UBASH3B: variants seen among roughly 807,000 people sequenced by gnomAD.
UBASH3B encodes the protein ubiquitin-associated and SH3 domain-containing protein B.
UBASH3B carries 37 observed loss-of-function variants against 83.4 expected under a neutral mutation model. The ratio of observed to expected loss-of-function variants is 0.44; its 90% CI spans 0.34 to 0.58. The LOEUF (loss-of-function observed/expected upper bound fraction) is 0.58. Ranked by LOEUF, UBASH3B falls within the 20% of genes least tolerant of loss-of-function variation. The pLI is 0.01. For synonymous variants in UBASH3B, 304 were observed against 318.3 expected, an observed-to-expected ratio of 0.96 and a Z score of 0.48; for missense variants, 657 against 827.2, an observed-to-expected ratio of 0.79 and a Z score of 2.52.
At chr11:122,664,052 A>G (rs1353080090) in intron 1 of UBASH3B, among the ~76,000 whole-genome samples, 4 of 152,096 alleles carry the variant, frequency 2.6e-5, no homozygotes, top group Non-Finnish European at 5.9e-5. Context: ...GTCGCCTTCC[A>G]CTTTTATGGT....
intron 1 of UBASH3B, among the ~76,000 whole-genome samples, chr11:122,685,990 C>T (rs549301034): frequency 2.0e-5 from 3 of 152,306 alleles, no homozygotes; most frequent in East Asian, 1.9e-4. Context: ...CAAGCCCACA[C>T]GCCAGGGAGG....
At chr11:122,782,451 G>C (rs895011744) in intron 4 of UBASH3B, 1 of 152,168 alleles carries the variant, frequency 6.6e-6, no homozygotes, top group East Asian at 1.9e-4. Context: ...TGCTGCTGAC[G>C]TCTTGTGGGT....
rs146478352 is a variant in UBASH3B at position 122,772,098 on chromosome 11, T to C, written c.162-4121T>C. Among the ~76,000 whole-genome samples the C allele has an allele frequency of 1.7e-3, 264 of 152,336 alleles. 2 individuals carry two copies. The highest frequency in any genetic ancestry group is 6.3e-3 in the African/African-American group (261 of 41,566). On this transcript the variant is annotated intron_variant, in intron 1 of 13. Transcript: ENST00000284273. ...GATGAGTATTGCTGTGTTTCTCTTATAACATTTAAAATATCCAGTGGCACC... is the reference window on the plus strand; with the variant it reads ...GATGAGTATTGCTGTGTTTCTCTTACAACATTTAAAATATCCAGTGGCACC...
At chr11:122,720,628 C>T (rs1489838898) in intron 1 of UBASH3B, among the ~76,000 whole-genome samples, 1 of 152,158 alleles carries the variant, frequency 6.6e-6, no homozygotes, top group Non-Finnish European at 1.5e-5. Flanking sequence ...TCAGCTGAAG[C>T]CACATGGTCT....
In UBASH3B at chr11:122,774,915, C is replaced by T. The variant is rs1239194494; in HGVS notation, c.162-1304C>T. Among the ~76,000 whole-genome samples, 3 of 152,282 alleles carry T rather than the reference C, an allele frequency of 2.0e-5. No homozygotes were observed. In the East Asian group the frequency reaches 5.8e-4, roughly 29 times the overall value. On this transcript the variant is annotated intron_variant, in intron 1 of 13. Coordinates refer to ENST00000284273, the MANE Select transcript of UBASH3B (RefSeq NM_032873.5). ...ACCCTCAGATTTCACTTGAAATGTT[C>T]CATCCTTAGTGCAGCCTTCCCCAGC... is the stretch of plus-strand genomic sequence containing the variant.
chr11:122,748,428 C>T (rs988130135), intron 1 of UBASH3B, among the ~76,000 whole-genome samples: 3 of 152,174 alleles, frequency 2.0e-5, no homozygotes, highest in Admixed American at 6.5e-5. Flanking sequence ...TAGACGGGCA[C>T]GCGCCATCCC....
At chr11:122,798,842 G>A in intron 9 of UBASH3B, 100 bp from the exon 10 acceptor site, 1 of 814,490 alleles carries the variant, frequency 1.2e-6, no homozygotes. Flanking sequence ...TAGGAAAGAG[G>A]GGTTTACAGG....
intron 1 of UBASH3B, among the ~76,000 whole-genome samples, chr11:122,707,339 G>A (rs4382921): frequency 0.74 from 111,943 of 151,906 alleles, 41,928 homozygotes; most frequent in East Asian, 0.95. Context: ...CTGACGGGGA[G>A]TGGTAACCTT....
chr11:122,725,732 C>A (rs983329714), intron 1 of UBASH3B, among the ~76,000 whole-genome samples: 1 of 152,114 alleles, frequency 6.6e-6, no homozygotes, highest in Non-Finnish European at 1.5e-5. Context: ...CTCACCCTGT[C>A]GCCCAGGCTG....
In UBASH3B at chr11:122,799,052, A is replaced by G. The variant is rs749440524; in HGVS notation, c.1450+18A>G. ...CTTGAAAGGTAAGACTTGCAGGTTG[A>G]CAAAAACAAGTAGTCCATCCCTCTC... On this transcript the variant is annotated intron_variant, in intron 10 of 13. Coordinates refer to ENST00000284273, the MANE Select transcript of UBASH3B (RefSeq NM_032873.5). 2.5e-6 allele frequency: 4 copies of G among 1,608,814 alleles called. No individual in the cohort carries two copies. The African/African-American group carries it at 5.3e-5, about 22-fold the overall frequency.
At chr11:122,809,097 C>T (rs1178668445) in intron 13 of UBASH3B, among the ~76,000 whole-genome samples, 2 of 150,500 alleles carry the variant, frequency 1.3e-5, no homozygotes, top group Non-Finnish European at 1.5e-5. Flanking sequence ...TTTTTTGAGA[C>T]AGAGCCTTGC....
At chr11:122,685,767 G>A (rs1464692320) in intron 1 of UBASH3B, among the ~76,000 whole-genome samples, 3 of 152,138 alleles carry the variant, frequency 2.0e-5, no homozygotes, top group African/African-American at 2.4e-5. Context: ...TGATCCACCC[G>A]CCTTGGCCTC....
Position 122,699,518 on chromosome 11 carries a change from TC to T in UBASH3B, c.161+43309del, listed in dbSNP as rs1420810533. Among the ~76,000 whole-genome samples the T allele has an allele frequency of 3.9e-3, 394 of 100,440 alleles. 4 individuals are homozygous for T. Among genetic ancestry groups the T allele is most frequent in the African/African-American group, 0.014 (375 of 27,294 alleles). 65.9% of individuals were successfully genotyped at this position (100,440 alleles called of 152,430 possible). On this transcript the variant is annotated intron_variant, in intron 1 of 13. Transcript: ENST00000284273. ...TTTTAAATCTTTCTTTCTTTCTTTC[TC>T]TTTCTTTCTTTCTCTTTCTTTCTTT... is the stretch of plus-strand genomic sequence containing the variant.
At chr11:122,684,219 G>A (rs963976489) in intron 1 of UBASH3B, among the ~76,000 whole-genome samples, 2 of 152,312 alleles carry the variant, frequency 1.3e-5, no homozygotes, top group East Asian at 1.9e-4. Flanking sequence ...TAAATTGGCT[G>A]TAGAGACAAG....
intron 1 of UBASH3B, among the ~76,000 whole-genome samples, chr11:122,704,585 C>G (rs1783013611): frequency 6.6e-6 from 1 of 151,994 alleles, no homozygotes; most frequent in African/African-American, 2.4e-5. Context: ...TCTCGGCTCA[C>G]TGCAACCTTT....
At chr11:122,664,757 T>G (rs1206635401) in intron 1 of UBASH3B, among the ~76,000 whole-genome samples, 1 of 152,230 alleles carries the variant, frequency 6.6e-6, no homozygotes, top group African/African-American at 2.4e-5. Context: ...ATCCAGAAAC[T>G]GTCTGAGCTC....
intron 1 of UBASH3B, among the ~76,000 whole-genome samples, chr11:122,725,328 C>CAAAAAAAAAAAA (rs527272428): frequency 6.8e-5 from 6 of 87,874 alleles, no homozygotes; most frequent in Admixed American, 1.4e-4. Flanking sequence ...GCACCATAAA[C>CAAAAAAAAAAAA]AAAAAAAAAA....
chr11:122,781,137 C>T (rs925719227), intron 4 of UBASH3B, among the ~76,000 whole-genome samples: 1 of 152,092 alleles, frequency 6.6e-6, no homozygotes, highest in African/African-American at 2.4e-5. Flanking sequence ...CCCCTCTGTA[C>T]CTGGGGAGGG....
chr11:122,667,671 C>G (rs1160363507), intron 1 of UBASH3B, among the ~76,000 whole-genome samples: 2 of 152,168 alleles, frequency 1.3e-5, no homozygotes, highest in Admixed American at 6.5e-5. Context: ...AGGAAAAATT[C>G]TGGGAAGGCC....
Sources: allele counts gnomAD v4.1 joint callset (sites outside exome capture counted in the v4.1 genomes callset), GRCh38; gene constraint gnomAD v4.1.1; transcripts MANE v1.5; gene names NCBI Gene and HGNC (gene_info 2026-07-23, HGNC 2026-07-21).